KCND2: variants seen among roughly 807,000 people sequenced by gnomAD.
KCND2 encodes potassium voltage-gated channel subfamily D member 2.
A neutral mutation model predicts 54.4 loss-of-function variants in KCND2; 16 were observed. The observed-to-expected ratio is 0.29, with a 90% CI of 0.20 to 0.45. The LOEUF (loss-of-function observed/expected upper bound fraction) is 0.45. Ranked by LOEUF, KCND2 falls within the 20% of genes least tolerant of loss-of-function variation. KCND2 has a pLI of 1.00. For synonymous variants in KCND2, 317 were observed against 310.7 expected (o/e 1.02, Z -0.21); for missense variants, 486 against 824.2 (o/e 0.59, Z 5.02).
At chr7:120,427,272 A>T (rs1017562657) in intron 1 of KCND2, among the ~76,000 whole-genome samples, 1 of 152,162 alleles carries the variant, frequency 6.6e-6, no homozygotes, top group African/African-American at 2.4e-5. Flanking sequence ...CACGTAGTTT[A>T]TATCTCTCAC....
At chr7:120,620,989 T>C (rs1022992932) in intron 1 of KCND2, among the ~76,000 whole-genome samples, 2 of 152,056 alleles carry the variant, frequency 1.3e-5, no homozygotes, top group East Asian at 1.9e-4. Context: ...AGAAGAACCA[T>C]ATGGGTCGGG....
chr7:120,628,078 C>G (rs1584860147), intron 1 of KCND2, among the ~76,000 whole-genome samples: 1 of 152,040 alleles, frequency 6.6e-6, no homozygotes, highest in East Asian at 1.9e-4. Context: ...GAATCTTCAG[C>G]TCTAAGGAAA....
At chr7:120,316,259 A>G (rs962116903) in intron 1 of KCND2, among the ~76,000 whole-genome samples, 1 of 152,188 alleles carries the variant, frequency 6.6e-6, no homozygotes, top group Non-Finnish European at 1.5e-5. Context: ...GCGCCTATTA[A>G]AACTCCAATT....
intron 1 of KCND2, among the ~76,000 whole-genome samples, chr7:120,408,825 AT>A (rs1801404234): frequency 6.6e-6 from 1 of 151,942 alleles, no homozygotes; most frequent in Non-Finnish European, 1.5e-5. Context: ...AAATAATTCC[AT>A]AGTACATATT....
At position 120,703,408 on chromosome 7, in the gene KCND2, T is replaced by G. The variant is rs964345855; in HGVS notation, c.1116-29495T>G. ...TTGGCAAACTGCCTTTCAAAGGTTGTGAACCCTATTGAGAATAATTATCTA... is the reference window on the plus strand; with the variant it reads ...TTGGCAAACTGCCTTTCAAAGGTTGGGAACCCTATTGAGAATAATTATCTA... On this transcript the variant is annotated intron_variant, in intron 1 of 5. Transcript: ENST00000331113. Among the ~76,000 whole-genome samples the G allele has an allele frequency of 2.6e-5, 4 of 152,222 alleles. No individual in the cohort carries two copies. In the East Asian group the frequency reaches 7.7e-4, roughly 29 times the overall value.
chr7:120,497,617 T>A (rs802345), intron 1 of KCND2, among the ~76,000 whole-genome samples: 18,309 of 152,204 alleles, frequency 0.12, 1,682 homozygotes, highest in East Asian at 0.49. Flanking sequence ...GTCTAGTCTT[T>A]GTTCTTATAT....
At chr7:120,743,749 G>T (rs1792970793) in intron 4 of KCND2, among the ~76,000 whole-genome samples, 1 of 152,202 alleles carries the variant, frequency 6.6e-6, no homozygotes, top group Non-Finnish European at 1.5e-5. Context: ...GTCAGAAGAA[G>T]AGAGTGTAGC....
chr7:120,718,755 G>C (rs1299090561), intron 1 of KCND2, among the ~76,000 whole-genome samples: 1 of 152,176 alleles, frequency 6.6e-6, no homozygotes, highest in Non-Finnish European at 1.5e-5. Flanking sequence ...CTTGAAGAGA[G>C]TAAGCCATTG....
intron 1 of KCND2, among the ~76,000 whole-genome samples, chr7:120,694,072 A>T (rs1792304802): frequency 6.6e-6 from 1 of 152,152 alleles, no homozygotes; most frequent in Admixed American, 6.5e-5. Context: ...AAAATAGACA[A>T]AAAGGATCTT....
intron 1 of KCND2, among the ~76,000 whole-genome samples, chr7:120,422,229 A>G (rs1351462919): frequency 6.6e-6 from 1 of 152,232 alleles, no homozygotes; most frequent in Non-Finnish European, 1.5e-5. Context: ...AGAAAAGAAC[A>G]TAAAGTTCTC....
intron 1 of KCND2, among the ~76,000 whole-genome samples, chr7:120,419,445 C>T (rs776087641): frequency 5.3e-5 from 8 of 152,136 alleles, no homozygotes; most frequent in African/African-American, 1.7e-4. Flanking sequence ...CTCATTTGTA[C>T]TGGCAATGTG....
At chr7:120,595,739 G>T (rs1007147928) in intron 1 of KCND2, among the ~76,000 whole-genome samples, 3 of 151,548 alleles carry the variant, frequency 2.0e-5, no homozygotes. Flanking sequence ...GGCCCATTGT[G>T]TAAAAATAAT....
At chr7:120,674,857 A>G (rs1388337802) in intron 1 of KCND2, among the ~76,000 whole-genome samples, 3 of 152,200 alleles carry the variant, frequency 2.0e-5, no homozygotes, top group Admixed American at 1.3e-4. Flanking sequence ...TTCTTTTCTC[A>G]AAAAAGTAAA....
At position 120,586,609 on chromosome 7, in the gene KCND2, T is replaced by G. The variant is rs531585284; in HGVS notation, c.1116-146294T>G. On this transcript the variant is annotated intron_variant, in intron 1 of 5. Coordinates refer to ENST00000331113, the MANE Select transcript of KCND2 (RefSeq NM_012281.3). ...TATGAGTCCGTATTCTTGCACATTT[T>G]GTAGACTGTCAAATAAGCAAAGACA... Among the ~76,000 whole-genome samples the G allele has an allele frequency of 2.0e-5, 3 of 152,340 alleles. No homozygotes were observed. The East Asian group carries it at 5.8e-4, about 29-fold the overall frequency.
chr7:120,286,182 A>T (rs1240309904), intron 1 of KCND2, among the ~76,000 whole-genome samples: 1 of 151,936 alleles, frequency 6.6e-6, no homozygotes, highest in Non-Finnish European at 1.5e-5. Context: ...TTTCCACACT[A>T]TTTAATTCAC....
At chr7:120,480,759 T>C (rs1802595639) in intron 1 of KCND2, among the ~76,000 whole-genome samples, 1 of 152,188 alleles carries the variant, frequency 6.6e-6, no homozygotes, top group African/African-American at 2.4e-5. Flanking sequence ...GTGAGCAAAA[T>C]AAACTTCTGT....
intron 1 of KCND2, among the ~76,000 whole-genome samples, chr7:120,308,915 G>T (rs545954069): frequency 1.3e-5 from 2 of 152,226 alleles, no homozygotes; most frequent in Admixed American, 1.3e-4. Context: ...AAAAGCAAAT[G>T]AATTTTGAAC....
At chr7:120,468,693 A>AT (rs1182458191) in intron 1 of KCND2, among the ~76,000 whole-genome samples, 2 of 152,148 alleles carry the variant, frequency 1.3e-5, no homozygotes, top group African/African-American at 2.4e-5. Flanking sequence ...ATATTTATGT[A>AT]TTTTTTAACA....
At chr7:120,494,929 G>A (rs1309483220) in intron 1 of KCND2, among the ~76,000 whole-genome samples, 2 of 152,162 alleles carry the variant, frequency 1.3e-5, no homozygotes, top group South Asian at 2.1e-4. Context: ...TTGTACCAGT[G>A]TGTTGTCAAT....
Sources: allele counts gnomAD v4.1 joint callset (sites outside exome capture counted in the v4.1 genomes callset), GRCh38; gene constraint gnomAD v4.1.1; transcripts MANE v1.5; gene names NCBI Gene and HGNC (gene_info 2026-07-23, HGNC 2026-07-21).